COL26A1: variants seen among roughly 807,000 people sequenced by gnomAD.
COL26A1 encodes collagen type XXVI alpha 1 chain.
COL26A1 carries 41 observed loss-of-function variants against 59.3 expected under a neutral mutation model. The observed-to-expected ratio is 0.69, with a 90% CI of 0.54 to 0.90. The LOEUF (loss-of-function observed/expected upper bound fraction) is 0.90. COL26A1 is among the 40% of genes least tolerant of loss of function. The pLI is 0.00. For synonymous variants in COL26A1, 266 were observed against 256.0 expected (o/e 1.04, Z -0.37); for missense variants, 612 against 602.3 (o/e 1.02, Z -0.17).
intron 4 of COL26A1, among the ~76,000 whole-genome samples, chr7:101,537,692 T>C (rs1795509037): frequency 6.6e-6 from 1 of 152,120 alleles, no homozygotes; most frequent in Non-Finnish European, 1.5e-5. Context: ...GCAGGTCACT[T>C]CGGGGGAAGC....
At chr7:101,389,899 T>C (rs1479678486) in intron 1 of COL26A1, among the ~76,000 whole-genome samples, 2 of 151,976 alleles carry the variant, frequency 1.3e-5, no homozygotes, top group African/African-American at 4.8e-5. Context: ...GTTGCCCAGG[T>C]GGTCTTGAAC....
At chr7:101,472,192 G>A (rs1288360001) in intron 3 of COL26A1, among the ~76,000 whole-genome samples, 1 of 151,726 alleles carries the variant, frequency 6.6e-6, no homozygotes, top group Non-Finnish European at 1.5e-5. Context: ...TGTTTATAGA[G>A]ATGATGGTTT....
chr7:101,524,274 GAAA>G (rs112209193), intron 3 of COL26A1, among the ~76,000 whole-genome samples: 1 of 122,294 alleles, frequency 8.2e-6, no homozygotes, highest in Non-Finnish European at 1.8e-5. Context: ...CTGTCTCAAA[GAAA>G]AAAAAAAAAA....
intron 1 of COL26A1, among the ~76,000 whole-genome samples, chr7:101,397,543 C>T (rs1445783500): frequency 4.0e-5 from 5 of 126,038 alleles, no homozygotes; most frequent in South Asian, 3.0e-4. Context: ...CCCCCCCCTC[C>T]TTTTTTTTTT....
At chr7:101,442,580 G>A (rs1793085090) in intron 2 of COL26A1, among the ~76,000 whole-genome samples, 1 of 152,146 alleles carries the variant, frequency 6.6e-6, no homozygotes, top group African/African-American at 2.4e-5. Flanking sequence ...CATCATATAG[G>A]GTTAAAATAG....
intron 3 of COL26A1, among the ~76,000 whole-genome samples, chr7:101,532,825 C>T (rs1795397355): frequency 6.6e-6 from 1 of 152,198 alleles, no homozygotes; most frequent in Non-Finnish European, 1.5e-5. Context: ...CTCACCAGCT[C>T]ATGGCATCAC....
chr7:101,539,815 TGCATGTCCCTGTGTGTCAC>T, intron 4 of COL26A1, 59 bp from the exon 5 acceptor site: 1 of 1,430,522 alleles, frequency 7.0e-7, no homozygotes. Context: ...GGGGTGCACA[TGCATGTCCCTGTGTGTCAC>T]GCATGTCCCT....
intron 3 of COL26A1, among the ~76,000 whole-genome samples, chr7:101,498,106 G>T (rs1046452233): frequency 3.9e-5 from 6 of 152,208 alleles, no homozygotes; most frequent in Non-Finnish European, 8.8e-5. Flanking sequence ...TCTTGTAAAG[G>T]TTGAAGCAGA....
At chr7:101,551,414 G>A (rs1176040744) in intron 10 of COL26A1, among the ~76,000 whole-genome samples, 2 of 152,186 alleles carry the variant, frequency 1.3e-5, no homozygotes, top group Admixed American at 6.5e-5. Context: ...TCATTCATGC[G>A]CTGTGTGGCC....
intron 3 of COL26A1, among the ~76,000 whole-genome samples, chr7:101,512,848 G>C (rs189111446): frequency 6.6e-6 from 1 of 152,230 alleles, no homozygotes; most frequent in East Asian, 1.9e-4. Flanking sequence ...AGATAATAGA[G>C]TTTGATGAAC....
At chr7:101,544,837 C>T (rs1314160398) in intron 6 of COL26A1, among the ~76,000 whole-genome samples, 3 of 152,148 alleles carry the variant, frequency 2.0e-5, no homozygotes, top group African/African-American at 7.2e-5. Flanking sequence ...CTGGCCAAAA[C>T]AGGGTCTTCA....
At chr7:101,543,579 C>T (rs903090733) in intron 5 of COL26A1, among the ~76,000 whole-genome samples, 3 of 152,272 alleles carry the variant, frequency 2.0e-5, no homozygotes, top group Admixed American at 1.3e-4. Flanking sequence ...TCCTTCAGGA[C>T]CTCCTGGGGC....
chr7:101,492,690 CTG>C (rs1340176399), intron 3 of COL26A1, among the ~76,000 whole-genome samples: 3 of 148,948 alleles, frequency 2.0e-5, no homozygotes, highest in Admixed American at 6.7e-5. Flanking sequence ...GAGCAAGACT[CTG>C]TCTCAAAAAA....
At chr7:101,406,315 C>T (rs901178052) in intron 1 of COL26A1, among the ~76,000 whole-genome samples, 16 of 152,046 alleles carry the variant, frequency 1.1e-4, no homozygotes, top group African/African-American at 3.9e-4. Context: ...GTTTTTTGTG[C>T]CCGAAAAACT....
intron 2 of COL26A1, among the ~76,000 whole-genome samples, chr7:101,440,993 A>G (rs543579658): frequency 6.6e-6 from 1 of 151,908 alleles, no homozygotes; most frequent in East Asian, 1.9e-4. Flanking sequence ...AAAAAAAAGA[A>G]AGAAAGAAAA....
At chr7:101,543,776 G>A (rs998762458) in intron 5 of COL26A1, among the ~76,000 whole-genome samples, 1 of 152,246 alleles carries the variant, frequency 6.6e-6, no homozygotes, top group Non-Finnish European at 1.5e-5. Context: ...AAATGGGAAC[G>A]AAAGCAGTTC....
intron 1 of COL26A1, among the ~76,000 whole-genome samples, chr7:101,394,435 C>A (rs1320489480): frequency 6.6e-6 from 1 of 152,084 alleles, no homozygotes; most frequent in Admixed American, 6.6e-5. Context: ...GAGACAGGGT[C>A]TTGCTGTGTT....
At chr7:101,397,995 C>T (rs1791899713) in intron 1 of COL26A1, among the ~76,000 whole-genome samples, 1 of 152,208 alleles carries the variant, frequency 6.6e-6, no homozygotes, top group African/African-American at 2.4e-5. Flanking sequence ...GTTCTGATTT[C>T]ATCACCATAG....
intron 3 of COL26A1, among the ~76,000 whole-genome samples, chr7:101,499,940 G>A (rs1794666980): frequency 6.6e-6 from 1 of 150,988 alleles, no homozygotes; most frequent in African/African-American, 2.4e-5. Context: ...AATGTATTCA[G>A]GCACAGTGGG....
Sources: gnomAD v4.1 joint callset for allele counts (sites outside exome capture counted in the v4.1 genomes callset) on GRCh38, gnomAD v4.1.1 for gene constraint, MANE v1.5 for transcripts, NCBI Gene and HGNC (gene_info 2026-07-23, HGNC 2026-07-21) for gene names.